The following MSI2 variants were observed in gnomAD, a reference collection of about 807,000 sequenced individuals.
MSI2 encodes the protein musashi RNA binding protein 2.
MSI2 carries 17 observed loss-of-function variants against 45.6 expected under a neutral mutation model. That is an observed-to-expected ratio of 0.37 (90% CI 0.26 to 0.56). The LOEUF is 0.56. Among genes scored for constraint, MSI2 ranks in the 20% least tolerant of loss-of-function variants. The probability of loss-of-function intolerance (pLI) is 0.77; values close to 1 mark genes in which losing one functional copy is unlikely to be tolerated. For synonymous variants in MSI2, 156 were observed against 158.2 expected (o/e 0.99, Z 0.11); for missense variants, 293 against 444.2 (o/e 0.66, Z 3.06).
chr17:57,682,790 G>A lies in MSI2; in HGVS notation c.*3273G>A, dbSNP rs1256650020. 1 of 223,790 alleles carries A rather than the reference G, an allele frequency of 4.5e-6. No homozygotes were observed. Among genetic ancestry groups the A allele is most frequent in the Non-Finnish European group, 8.9e-6 (1 of 112,298 alleles). 13.9% of individuals were successfully genotyped at this position (223,790 alleles called of 1,614,324 possible). A position where few individuals can be genotyped will look rare whatever the true frequency, so the allele number is the denominator to read the frequency against. On this transcript the variant is annotated 3_prime_UTR_variant, in exon 14 of 14. Transcript: ENST00000284073. ...GGCTTTTCCCCGGAATTATCAAACA[G>A]CCACCGGGTGACTTTCTGGCTTCCA...
Position 57,552,489 on chromosome 17 carries a change from T to A in MSI2, c.454+22765T>A, listed in dbSNP as rs2087330634. Among the ~76,000 whole-genome samples, 1 of 152,054 alleles carries A rather than the reference T, an allele frequency of 6.6e-6. No homozygotes were observed. Among genetic ancestry groups the A allele is most frequent in the Non-Finnish European group, 1.5e-5 (1 of 68,008 alleles). ...AAGTAGCAGGGCCAGACGCTAGGTG[T>A]CGCCGTCCTGGACCTGCCTCCATCC... On this transcript the variant is annotated intron_variant, in intron 7 of 13. Coordinates refer to ENST00000284073, the MANE Select transcript of MSI2 (RefSeq NM_138962.4). This position sits in a 1 kb window ranked among gnomAD's most constrained non-coding sequence, Gnocchi z 4.3.
chr17:57,571,149 A>G (rs755855937), intron 7 of MSI2, among the ~76,000 whole-genome samples: 1 of 152,130 alleles, frequency 6.6e-6, no homozygotes, highest in Non-Finnish European at 1.5e-5. Flanking sequence ...GGTGGCTCTA[A>G]CTAGGAATCG....
chr17:57,550,166 A>G (rs118172615), intron 7 of MSI2, among the ~76,000 whole-genome samples: 1 of 152,272 alleles, frequency 6.6e-6, no homozygotes, highest in East Asian at 1.9e-4. Context: ...GCCCCTTTTA[A>G]GTGCTATCAG....
rs77959655 is a variant in MSI2, at chr17:57,598,220, T to C, written c.537+1270T>C. Among the ~76,000 whole-genome samples the C allele has an allele frequency of 7.4e-3, 1,135 of 152,354 alleles. 17 individuals carry two copies. The highest frequency in any genetic ancestry group is 0.026 in the African/African-American group (1,078 of 41,572). On this transcript the variant is annotated intron_variant, in intron 8 of 13. Transcript: ENST00000284073. Reference sequence around the variant, plus strand: ...GAGGGAGGGCAAATCTGTGTTTCAATTGCAGCTGTAACTTTAATATTTTCT... The same window carrying C: ...GAGGGAGGGCAAATCTGTGTTTCAACTGCAGCTGTAACTTTAATATTTTCT...
At chr17:57,675,765 G>A (rs1029135020) in intron 12 of MSI2, among the ~76,000 whole-genome samples, 4 of 152,120 alleles carry the variant, frequency 2.6e-5, no homozygotes, top group African/African-American at 4.8e-5. Context: ...TCCCATTTGC[G>A]TTCCTTAGCT....
intron 6 of MSI2, among the ~76,000 whole-genome samples, chr17:57,477,599 T>G (rs1370563791): frequency 6.6e-6 from 1 of 152,198 alleles, no homozygotes; most frequent in Non-Finnish European, 1.5e-5. Context: ...TACACATTTG[T>G]ACAAAGCCTA....
At chr17:57,602,609 C>G (rs775144783) in intron 8 of MSI2, among the ~76,000 whole-genome samples, 2 of 152,182 alleles carry the variant, frequency 1.3e-5, no homozygotes, top group Non-Finnish European at 2.9e-5. Flanking sequence ...CTTGCCTCTG[C>G]CTCCAAAAGT....
intron 11 of MSI2, among the ~76,000 whole-genome samples, chr17:57,659,830 CCT>C (rs1396239131): frequency 6.6e-6 from 1 of 152,230 alleles, no homozygotes; most frequent in Non-Finnish European, 1.5e-5. Context: ...TGGCCTAAAA[CCT>C]CATAGTCTGA....
intron 5 of MSI2, among the ~76,000 whole-genome samples, chr17:57,342,819 C>T (rs1257731286): frequency 6.6e-6 from 1 of 152,154 alleles, no homozygotes; most frequent in Non-Finnish European, 1.5e-5. Context: ...TCACATCATT[C>T]TAAATAACAG....
intron 5 of MSI2, among the ~76,000 whole-genome samples, chr17:57,361,079 G>C (rs1475696479): frequency 6.6e-6 from 1 of 152,146 alleles, no homozygotes; most frequent in Non-Finnish European, 1.5e-5. Flanking sequence ...TGAGTGGGGG[G>C]TATGTTGTGC....
chr17:57,578,008 C>T (rs1316454383), intron 7 of MSI2, among the ~76,000 whole-genome samples: 2 of 152,154 alleles, frequency 1.3e-5, no homozygotes, highest in African/African-American at 2.4e-5. Flanking sequence ...TCTTCCTCCC[C>T]GCTCCTCCCC....
chr17:57,333,315 T>C (rs73325416), intron 5 of MSI2, among the ~76,000 whole-genome samples: 6,084 of 152,242 alleles, frequency 0.04, 441 homozygotes, highest in African/African-American at 0.14. Flanking sequence ...GAATTATTTT[T>C]CCCCCCTGGA....
At chr17:57,328,020 G>C (rs1913950294) in intron 5 of MSI2, among the ~76,000 whole-genome samples, 1 of 152,098 alleles carries the variant, frequency 6.6e-6, no homozygotes, top group Admixed American at 6.5e-5. Context: ...CACTACTGTT[G>C]GGGGGAGTGG....
chr17:57,505,688 C>T (rs909481121), intron 6 of MSI2, among the ~76,000 whole-genome samples: 1 of 151,956 alleles, frequency 6.6e-6, no homozygotes, highest in African/African-American at 2.4e-5. Context: ...TAAAGCTATG[C>T]CAGTGGTTAT....
At chr17:57,496,254 G>T (rs73329357) in intron 6 of MSI2, among the ~76,000 whole-genome samples, 1 of 152,128 alleles carries the variant, frequency 6.6e-6, no homozygotes, top group African/African-American at 2.4e-5. Flanking sequence ...TTAGCGCCAC[G>T]CCAGCCGTGT....
intron 7 of MSI2, among the ~76,000 whole-genome samples, chr17:57,560,819 C>G (rs1405360935): frequency 6.6e-6 from 1 of 152,240 alleles, no homozygotes; most frequent in Non-Finnish European, 1.5e-5. Context: ...ACAAGCATGC[C>G]TTGCAGGTTG....
chr17:57,495,350 T>C (rs1262992303), intron 6 of MSI2, among the ~76,000 whole-genome samples: 4 of 151,832 alleles, frequency 2.6e-5, no homozygotes, highest in Non-Finnish European at 4.4e-5. Flanking sequence ...CTGACCAACA[T>C]AGTGAAACCC....
chr17:57,595,440 A>G (rs777565866), intron 7 of MSI2, among the ~76,000 whole-genome samples: 1 of 151,922 alleles, frequency 6.6e-6, no homozygotes, highest in Non-Finnish European at 1.5e-5. Flanking sequence ...ATGAAGTACC[A>G]TGGTCTAAGA....
At chr17:57,363,158 T>C (rs927975457) in intron 5 of MSI2, among the ~76,000 whole-genome samples, 2 of 152,330 alleles carry the variant, frequency 1.3e-5, no homozygotes, top group Non-Finnish European at 1.5e-5. Context: ...GATAGACATA[T>C]GATTAAATAG....
Sources: allele counts gnomAD v4.1 joint callset (sites outside exome capture counted in the v4.1 genomes callset), GRCh38; gene constraint gnomAD v4.1.1; non-coding constraint Gnocchi (gnomAD v3.1); transcripts MANE v1.5; gene names NCBI Gene and HGNC (gene_info 2026-07-23, HGNC 2026-07-21).